The following MMP26 variants were observed in gnomAD, a reference collection of about 807,000 sequenced individuals.
MMP26 encodes the protein matrix metallopeptidase 26, also known as matrix metalloproteinase-26.
Under a neutral mutation model 31.0 loss-of-function variants are expected in MMP26, and 33 were observed. That is an observed-to-expected ratio of 1.06 (90% CI 0.81 to 1.42). MMP26 has a LOEUF of 1.42. Ranked by LOEUF, MMP26 falls within the 40% of genes most tolerant of loss-of-function variation. The pLI is 0.00. For synonymous variants in MMP26, 122 were observed against 114.9 expected (o/e 1.06, Z -0.40); for missense variants, 347 against 316.1 (o/e 1.10, Z -0.74).
chr11:4,835,873 C>T (rs540586809), intron 2 of MMP26, among the ~76,000 whole-genome samples: 2 of 152,070 alleles, frequency 1.3e-5, no homozygotes, highest in South Asian at 4.2e-4. Context: ...TTTATTAATT[C>T]CAAATCATTT....
chr11:4,765,447 G>A (rs1246741053), intron 1 of MMP26, among the ~76,000 whole-genome samples: 1 of 152,092 alleles, frequency 6.6e-6, no homozygotes, highest in Non-Finnish European at 1.5e-5. Context: ...CCTTCTTTTT[G>A]TAGTAAATGT....
intron 2 of MMP26, among the ~76,000 whole-genome samples, chr11:4,844,857 G>A (rs1254330141): frequency 6.6e-6 from 1 of 152,122 alleles, no homozygotes; most frequent in Non-Finnish European, 1.5e-5. Flanking sequence ...CTAGAAGGAT[G>A]TTCACTGTCA....
intron 1 of MMP26, among the ~76,000 whole-genome samples, chr11:4,760,172 C>T (rs1481071287): frequency 6.6e-6 from 1 of 152,158 alleles, no homozygotes; most frequent in East Asian, 1.9e-4. Context: ...GGAGAAAAAT[C>T]AGTTATCATC....
At chr11:4,970,824 A>G (rs981056650) in intron 2 of MMP26, among the ~76,000 whole-genome samples, 1 of 152,120 alleles carries the variant, frequency 6.6e-6, no homozygotes, top group Non-Finnish European at 1.5e-5. Context: ...AGTGGTGGTG[A>G]TATCAGCAAA....
At chr11:4,792,646 C>T (rs755942306) in intron 2 of MMP26, among the ~76,000 whole-genome samples, 2 of 152,062 alleles carry the variant, frequency 1.3e-5, no homozygotes, top group Non-Finnish European at 2.9e-5. Context: ...TTAGAAAACA[C>T]GAAAATCCGA....
chr11:4,798,455 T>A lies in MMP26; in HGVS notation c.-145+31114T>A, dbSNP rs1242988854. ...ACCTACATGGCATAAATACACACAA[T>A]ACTCAAAATGCAAAGTATTGAAAGT... On this transcript the variant is annotated intron_variant, in intron 2 of 7. Transcript: ENST00000380390. Among the ~76,000 whole-genome samples, 2 of 152,214 alleles carry A rather than the reference T, an allele frequency of 1.3e-5. 1 individual carries two copies. Among genetic ancestry groups the A allele is most frequent in the South Asian group, 4.1e-4 (2 of 4,836 alleles).
intron 2 of MMP26, among the ~76,000 whole-genome samples, chr11:4,928,189 T>TA (rs1851300139): frequency 6.6e-6 from 1 of 152,188 alleles, no homozygotes; most frequent in Non-Finnish European, 1.5e-5. Flanking sequence ...TCCTTTTTTT[T>TA]ACACAGATCC....
chr11:4,723,178 T>C, intron 1 of MMP26: 1 of 1,590,808 alleles, frequency 6.3e-7, no homozygotes, highest in Non-Finnish European at 8.6e-7. Flanking sequence ...GCTCGGCATC[T>C]GCGATGGCGG....
At chr11:4,889,621 T>A (rs1349216811) in intron 2 of MMP26, 1 of 152,244 alleles carries the variant, frequency 6.6e-6, no homozygotes, top group Non-Finnish European at 1.5e-5. Context: ...AACTTTTTCA[T>A]GAATTTGCTG....
At chr11:4,787,531 C>A (rs1848965162) in intron 2 of MMP26, 1 of 152,312 alleles carries the variant, frequency 6.6e-6, no homozygotes, top group African/African-American at 2.4e-5. Flanking sequence ...CTGGGTTGTT[C>A]TTTCAGTTGT....
intron 2 of MMP26, among the ~76,000 whole-genome samples, chr11:4,820,110 C>T (rs909269123): frequency 6.6e-6 from 1 of 152,112 alleles, no homozygotes; most frequent in South Asian, 2.1e-4. Context: ...AAATCATACA[C>T]CTGGAGCCTT....
chr11:4,865,142 T>A (rs1048954493), intron 2 of MMP26, among the ~76,000 whole-genome samples: 2 of 152,094 alleles, frequency 1.3e-5, no homozygotes, highest in Non-Finnish European at 2.9e-5. Flanking sequence ...CCATTTTGAC[T>A]ATTCTCATTT....
At chr11:4,809,354 T>A (rs996261132) in intron 2 of MMP26, among the ~76,000 whole-genome samples, 1 of 152,234 alleles carries the variant, frequency 6.6e-6, no homozygotes, top group Admixed American at 6.5e-5. Context: ...TTTTGTTATA[T>A]AAATGTGGTT....
At chr11:4,725,673 C>G (rs1848089350) in intron 1 of MMP26, among the ~76,000 whole-genome samples, 1 of 152,188 alleles carries the variant, frequency 6.6e-6, no homozygotes, top group African/African-American at 2.4e-5. Flanking sequence ...TTTATTCACT[C>G]TCTCATCAGG....
At chr11:4,815,488 T>C (rs568337871) in intron 2 of MMP26, among the ~76,000 whole-genome samples, 6 of 152,330 alleles carry the variant, frequency 3.9e-5, no homozygotes, top group Admixed American at 1.3e-4. Flanking sequence ...AGTTCCCAGC[T>C]TGACTTTTTC....
chr11:4,908,600 G>A (rs1398737661), intron 2 of MMP26: 6 of 434,166 alleles, frequency 1.4e-5, no homozygotes, highest in African/African-American at 4.0e-5. Flanking sequence ...ATACAATTTG[G>A]GCAGATTGAG....
intron 1 of MMP26, among the ~76,000 whole-genome samples, chr11:4,707,409 T>C (rs10768190): frequency 0.45 from 68,871 of 151,992 alleles, 17,105 homozygotes; most frequent in African/African-American, 0.65. Context: ...GTAGGAGTTC[T>C]TTATATATTT....
At chr11:4,985,861 T>C (rs1252166131) in intron 2 of MMP26, among the ~76,000 whole-genome samples, 3 of 152,200 alleles carry the variant, frequency 2.0e-5, no homozygotes, top group Non-Finnish European at 2.9e-5. Flanking sequence ...TAAATTTCTA[T>C]TGTGCTCCTT....
At position 4,739,206 on chromosome 11, in the gene MMP26, T is replaced by C. The variant is rs189819263; in HGVS notation, c.-216-28064T>C. Reference sequence around the variant, plus strand: ...TGTTGCAATTATTGCCACCCTTTGCTTACATACAAAACTCAGGACAGTAGG... The same window carrying C: ...TGTTGCAATTATTGCCACCCTTTGCCTACATACAAAACTCAGGACAGTAGG... On this transcript the variant is annotated intron_variant, in intron 1 of 7. Transcript: ENST00000380390. Among the ~76,000 whole-genome samples, 9 of 152,304 alleles carry C rather than the reference T, an allele frequency of 5.9e-5. No homozygotes were observed. In the East Asian group the frequency reaches 1.7e-3, roughly 29 times the overall value.
Sources: allele counts gnomAD v4.1 joint callset (sites outside exome capture counted in the v4.1 genomes callset), GRCh38; gene constraint gnomAD v4.1.1; transcripts MANE v1.5; gene names NCBI Gene and HGNC (gene_info 2026-07-23, HGNC 2026-07-21).